CCR7: variants seen among roughly 807,000 people sequenced by gnomAD.
The protein encoded by CCR7 is C-C motif chemokine receptor 7.
In CCR7, 11 loss-of-function variants were observed where a neutral mutation model predicts 26.0. The ratio of observed to expected loss-of-function variants is 0.42; its 90% confidence interval spans 0.27 to 0.70. CCR7 has a LOEUF of 0.70. Among genes scored for constraint, CCR7 ranks in the 30% least tolerant of loss-of-function variants. The probability of loss-of-function intolerance (pLI) is 0.23; values close to 1 mark genes in which losing one functional copy is unlikely to be tolerated. For missense variants in CCR7, 360 were observed against 504.0 expected (o/e 0.71, Z 2.74); for synonymous variants, 189 against 202.1 (o/e 0.94, Z 0.55).
chr17:40,556,940 C>T lies in CCR7; in HGVS notation c.61-1122G>A, dbSNP rs180776628. 2.6e-5 allele frequency among the ~76,000 whole-genome samples: 4 copies of T among 152,256 alleles called. No individual in the cohort carries two copies. The East Asian group carries it at 7.7e-4, about 29-fold the overall frequency. ...TCCTGGGTCCCCTCTTAGCACCCAG[C>T]AGGAGCTCAGGCAACGTGAGCCCAA... On this transcript the variant is annotated intron_variant, in intron 2 of 2. Coordinates refer to ENST00000246657, the MANE Select transcript of CCR7 (RefSeq NM_001838.4).
At position 40,555,768 on chromosome 17, in the gene CCR7, G is replaced by A; in HGVS notation, c.111C>T (p.Thr37=). Residue 37 remains threonine, a synonymous_variant, in exon 3 of 3, where the codon ACC becomes ACT. Coordinates refer to ENST00000246657, the MANE Select transcript of CCR7 (RefSeq NM_001838.4). This position sits in a 1 kb window ranked among gnomAD's most constrained non-coding sequence, Gnocchi z 5.6. ...ACTCGAACAAAGTGTAGTCCACTGT[G>A]GTGTTGTCTCCGATGTAATCGTCCG... ...EVTDDYIGDN[T]TVDYTLFESL... 3 of 1,614,204 alleles carry A rather than the reference G, an allele frequency of 1.9e-6. No individual in the cohort carries two copies. In the South Asian group the frequency reaches 3.3e-5, roughly 18 times the overall value.
At chr17:40,559,041 C>A in intron 1 of CCR7, 99 bp from the exon 2 acceptor site, 1 of 971,808 alleles carries the variant, frequency 1.0e-6, no homozygotes, top group South Asian at 1.6e-5. Flanking sequence ...AACTTTCCTC[C>A]CAAGCTCCAG....
At chr17:40,557,232 G>A (rs112474829) in intron 2 of CCR7, among the ~76,000 whole-genome samples, 1 of 152,340 alleles carries the variant, frequency 6.6e-6, no homozygotes, top group Non-Finnish European at 1.5e-5. Flanking sequence ...CAATGAAGGA[G>A]GGGGTCCATG....
intron 1 of CCR7, among the ~76,000 whole-genome samples, chr17:40,559,861 G>C (rs1281808565): frequency 6.6e-6 from 1 of 152,224 alleles, no homozygotes; most frequent in African/African-American, 2.4e-5. Context: ...AAGGGATGCT[G>C]TCCTGTTGCA....
At chr17:40,564,902 C>A (rs944312741) in intron 1 of CCR7, among the ~76,000 whole-genome samples, 4 of 152,240 alleles carry the variant, frequency 2.6e-5, no homozygotes, top group Non-Finnish European at 5.9e-5. Flanking sequence ...AGTCACGTTT[C>A]ATTTGCATCT....
At position 40,554,736 on chromosome 17, in the gene CCR7, A is replaced by G. The variant is rs2143902073; in HGVS notation, c.*6T>C. ...GAGGTCCCTCTAGTCCAGGCAGAAG[A>G]GTCGCCTATGGGGAGAAGGTGGTGG... On this transcript the variant is annotated 3_prime_UTR_variant, in exon 3 of 3. Coordinates refer to ENST00000246657, the MANE Select transcript of CCR7 (RefSeq NM_001838.4). 1 of 1,593,318 alleles carries G rather than the reference A, an allele frequency of 6.3e-7. No individual in the cohort carries two copies. The highest frequency in any genetic ancestry group is 2.2e-5 in the East Asian group (1 of 44,632).
At chr17:40,559,639 T>C (rs968192167) in intron 1 of CCR7, among the ~76,000 whole-genome samples, 3 of 152,204 alleles carry the variant, frequency 2.0e-5, no homozygotes, top group Admixed American at 2.0e-4. Flanking sequence ...GTTGGTCCAC[T>C]GGGCGCACAC....
rs769732065 is a variant in CCR7, at chr17:40,554,849, G to C, written c.1030C>G (p.Leu344Val). The change falls in exon 3 of 3, where the codon CTG (leucine) becomes GTG (valine). Residue 344 changes from leucine (L) to valine (V), a missense_variant. By Grantham distance (32) the Leu-to-Val change is conservative. Transcript: ENST00000246657. ...AGCTGCTCCTGGCTGAGGCAGCCCA[G>C]GTCCTTGAAGAGCTTGAAGAGATCG... ...RNDLFKLFKD[L>V]GCLSQEQLRQ... 1.9e-6 allele frequency: 3 copies of C among 1,614,212 alleles called. No homozygotes were observed. The highest frequency in any genetic ancestry group is 2.2e-5 in the South Asian group (2 of 91,078).
At chr17:40,556,666 C>T (rs559608276) in intron 2 of CCR7, among the ~76,000 whole-genome samples, 1 of 152,308 alleles carries the variant, frequency 6.6e-6, no homozygotes, top group Admixed American at 6.5e-5. Context: ...ATTTTGCCCC[C>T]TGGAAGCTCC....
chr17:40,557,798 C>T (rs1471038041), intron 2 of CCR7, among the ~76,000 whole-genome samples: 1 of 152,236 alleles, frequency 6.6e-6, no homozygotes, highest in East Asian at 1.9e-4. Flanking sequence ...GCCTCTGCAG[C>T]CCACAGCCCC....
At position 40,558,923 on chromosome 17, in the gene CCR7, C is replaced by A; in HGVS notation, c.30G>T (p.Val10=). MDLGKPMKS[V]LVVALLVIFQ... ...AAATGACAAGGAGAGCCACCACCAG[C>A]ACGCTTTTCATTGGTTTCCCTGTAG... The change falls in exon 2 of 3, where the codon GTG becomes GTT. Residue 10 remains valine, a synonymous_variant. Transcript: ENST00000246657. The A allele has an allele frequency of 2.5e-6, 4 of 1,613,056 alleles. No individual in the cohort carries two copies. Among genetic ancestry groups the A allele is most frequent in the Non-Finnish European group, 3.4e-6 (4 of 1,179,574 alleles).
At chr17:40,564,529 C>T (rs1434228406) in intron 1 of CCR7, among the ~76,000 whole-genome samples, 4 of 152,200 alleles carry the variant, frequency 2.6e-5, no homozygotes, top group Non-Finnish European at 5.9e-5. Context: ...TAGCCTCAGC[C>T]TGGTCTGACT....
intron 2 of CCR7, among the ~76,000 whole-genome samples, chr17:40,558,173 G>A (rs1269913269): frequency 1.3e-5 from 2 of 152,202 alleles, no homozygotes; most frequent in Non-Finnish European, 1.5e-5. Flanking sequence ...CCCCTACTCT[G>A]AGCTCCCACC....
rs530281246 is a variant in CCR7 at position 40,565,076 on chromosome 17, A to T, written c.10+324T>A. On this transcript the variant is annotated intron_variant, in intron 1 of 2. Coordinates refer to ENST00000246657, the MANE Select transcript of CCR7 (RefSeq NM_001838.4). ...AACCTATCACCCTCATGATGAGAAC[A>T]GGTTCTGCCAGACCACCAAGCCCAG... Among the ~76,000 whole-genome samples, 3 of 151,940 alleles carry T rather than the reference A, an allele frequency of 2.0e-5. No homozygotes were observed. The South Asian group carries it at 6.2e-4, about 32-fold the overall frequency.
intron 1 of CCR7, among the ~76,000 whole-genome samples, chr17:40,562,038 C>A (rs1044596422): frequency 6.6e-6 from 1 of 152,170 alleles, no homozygotes; most frequent in Non-Finnish European, 1.5e-5. Context: ...ATGAGGTAGG[C>A]GCTACTATTA....
intron 2 of CCR7, among the ~76,000 whole-genome samples, chr17:40,557,193 G>A (rs949303261): frequency 4.6e-5 from 7 of 152,234 alleles, no homozygotes; most frequent in Non-Finnish European, 8.8e-5. Context: ...AGGGTCGGGT[G>A]AAGGTTCAGC....
At chr17:40,565,137 A>G (rs534306478) in intron 1 of CCR7, among the ~76,000 whole-genome samples, 1 of 152,226 alleles carries the variant, frequency 6.6e-6, no homozygotes, top group African/African-American at 2.4e-5. Flanking sequence ...TGTTTTAGAA[A>G]GACATGATCT....
intron 2 of CCR7, among the ~76,000 whole-genome samples, chr17:40,556,071 G>A (rs973910376): frequency 6.6e-6 from 1 of 151,904 alleles, no homozygotes; most frequent in Non-Finnish European, 1.5e-5. Context: ...CACACCCAGC[G>A]AATTTTTGTA....
chr17:40,558,922 G>GCAC lies in CCR7; in HGVS notation c.28_30dup (p.Val10dup). On this transcript the variant is annotated inframe_insertion, in exon 2 of 3. Coordinates refer to ENST00000246657, the MANE Select transcript of CCR7 (RefSeq NM_001838.4). ...AAAATGACAAGGAGAGCCACCACCA[G>GCAC]CACGCTTTTCATTGGTTTCCCTGTA... is the stretch of plus-strand genomic sequence containing the variant. 2 of 1,613,088 alleles carry GCAC rather than the reference G, an allele frequency of 1.2e-6. No individual in the cohort carries two copies. The highest frequency in any genetic ancestry group is 8.5e-7 in the Non-Finnish European group (1 of 1,179,568).
Sources: gnomAD v4.1 joint callset for allele counts (sites outside exome capture counted in the v4.1 genomes callset) on GRCh38, gnomAD v4.1.1 for gene constraint, Gnocchi (gnomAD v3.1) non-coding constraint, MANE v1.5 for transcripts, NCBI Gene and HGNC (gene_info 2026-07-23, HGNC 2026-07-21) for gene names.